ASPH: variants seen among roughly 807,000 people sequenced by gnomAD.
ASPH encodes aspartate beta-hydroxylase.
A neutral mutation model predicts 118.4 loss-of-function variants in ASPH; 100 were observed. The ratio of observed to expected loss-of-function variants is 0.84; its 90% CI spans 0.72 to 1.00. The LOEUF is 1.00. ASPH is among the 50% of genes least tolerant of loss of function. ASPH has a pLI of 0.00. For missense variants in ASPH, 920 were observed against 919.5 expected, an observed-to-expected ratio of 1.00 and a Z score of -0.01; for synonymous variants, 315 against 325.6, an observed-to-expected ratio of 0.97 and a Z score of 0.35.
chr8:61,646,525 T>C (rs565731874), intron 6 of ASPH, among the ~76,000 whole-genome samples: 3 of 152,312 alleles, frequency 2.0e-5, no homozygotes, highest in African/African-American at 7.2e-5. Flanking sequence ...TGACTCACTA[T>C]TTATAAGAAA....
At chr8:61,618,865 A>G in intron 14 of ASPH, 113 bp downstream of exon 14, 3 of 889,346 alleles carry the variant, frequency 3.4e-6, no homozygotes, top group Non-Finnish European at 5.1e-6. Context: ...CAAACCCAGG[A>G]GCAAATTCTT....
At position 61,572,478 on chromosome 8, in the gene ASPH, T is replaced by C. The variant is rs1000284412; in HGVS notation, c.1149+4294A>G. 3.9e-5 allele frequency among the ~76,000 whole-genome samples: 6 copies of C among 152,200 alleles called. No homozygotes were observed. In the South Asian group the frequency reaches 1.0e-3, roughly 26 times the overall value. On this transcript the variant is annotated intron_variant, in intron 16 of 24. Transcript: ENST00000379454. ...AGACCAACAGCAAACTCTTGAACTC[T>C]TGACTTCTGCATCACTCCAGACTTG... is the stretch of plus-strand genomic sequence containing the variant.
rs371809902 is a variant in ASPH at position 61,548,104 on chromosome 8, G to A, written c.1731C>T (p.Thr577=). 3 of 1,613,484 alleles carry A rather than the reference G, an allele frequency of 1.9e-6. No individual in the cohort carries two copies. The highest frequency in any genetic ancestry group is 2.5e-6 in the Non-Finnish European group (3 of 1,179,800). ...ACTCTGTGTAGCCCGTTTCTTTTGG[G>A]GTCCACCAAGGCTGTGCTTTCAGTC... ...VNGLKAQPWW[T]PKETGYTELV... Residue 577 remains threonine, a synonymous_variant, in exon 21 of 25, where the codon ACC becomes ACT. Transcript: ENST00000379454.
intron 16 of ASPH, among the ~76,000 whole-genome samples, chr8:61,572,052 C>T (rs1013863819): frequency 1.3e-5 from 2 of 152,070 alleles, no homozygotes; most frequent in African/African-American, 2.4e-5. Context: ...TAATTAAAAT[C>T]GAATTAATAA....
Position 61,638,322 on chromosome 8 carries a change from C to T in ASPH, c.832G>A (p.Glu278Lys). 2 of 1,598,748 alleles carry T rather than the reference C, an allele frequency of 1.3e-6. No homozygotes were observed. The highest frequency in any genetic ancestry group is 1.2e-5 in the South Asian group (1 of 86,272). Residue 278 changes from glutamate (E) to lysine (K), a missense_variant and splice_region_variant, in exon 11 of 25, where the codon GAA becomes AAA. Coordinates refer to ENST00000379454, the MANE Select transcript of ASPH (RefSeq NM_004318.4). ...PLENEGIEIT[E>K]VTAPPEDNPV... ...ATATGTGCTTACAGAAAAAACTTAC[C>T]TGTGATTTCTATCCCTTCATTTTCT... is the stretch of plus-strand genomic sequence containing the variant.
At chr8:61,636,036 T>C (rs117809989) in intron 12 of ASPH, among the ~76,000 whole-genome samples, 2,842 of 152,326 alleles carry the variant, frequency 0.019, 42 homozygotes, top group Non-Finnish European at 0.026. Context: ...TCTGTACCTA[T>C]CTCTTTATTG....
At chr8:61,645,753 A>G (rs1050718295) in intron 6 of ASPH, among the ~76,000 whole-genome samples, 3 of 152,246 alleles carry the variant, frequency 2.0e-5, no homozygotes, top group African/African-American at 7.2e-5. Flanking sequence ...TTCCTGTTCT[A>G]AACAATAGGC....
chr8:61,603,318 G>C (rs920606609), intron 14 of ASPH, among the ~76,000 whole-genome samples: 1 of 151,168 alleles, frequency 6.6e-6, no homozygotes, highest in African/African-American at 2.4e-5. Context: ...AATTTATAGA[G>C]TTTGTTAATT....
intron 14 of ASPH, among the ~76,000 whole-genome samples, chr8:61,587,023 A>C (rs924808306): frequency 4.1e-4 from 62 of 152,180 alleles, no homozygotes; most frequent in African/African-American, 1.5e-3. Context: ...AGTGTTAAGA[A>C]ATCTGTTATT....
chr8:61,598,887 T>C (rs1843148123), intron 14 of ASPH, among the ~76,000 whole-genome samples: 1 of 152,164 alleles, frequency 6.6e-6, no homozygotes, highest in African/African-American at 2.4e-5. Context: ...AACATGCTCC[T>C]GAATGGCCAC....
At chr8:61,638,722 G>T (rs1339954115) in intron 10 of ASPH, among the ~76,000 whole-genome samples, 1 of 152,172 alleles carries the variant, frequency 6.6e-6, no homozygotes, top group Non-Finnish European at 1.5e-5. Context: ...ACAATTCTCA[G>T]ACCTCTAACC....
At chr8:61,514,188 C>A (rs991123072) in intron 24 of ASPH, among the ~76,000 whole-genome samples, 1 of 152,152 alleles carries the variant, frequency 6.6e-6, no homozygotes, top group African/African-American at 2.4e-5. Context: ...TGGCACCATC[C>A]ACCTGCTCCC....
intron 15 of ASPH, among the ~76,000 whole-genome samples, chr8:61,577,391 C>A (rs1422994712): frequency 6.8e-5 from 4 of 59,080 alleles, no homozygotes; most frequent in East Asian, 6.2e-4. Flanking sequence ...CAAGGATGCC[C>A]AATCTCGCAA....
At chr8:61,541,026 G>A (rs189914167) in intron 21 of ASPH, among the ~76,000 whole-genome samples, 395 of 152,242 alleles carry the variant, frequency 2.6e-3, no homozygotes, top group African/African-American at 8.0e-3. Context: ...TTGGAAGGCC[G>A]AGGTGGGCGG....
At chr8:61,510,931 TA>T in intron 24 of ASPH, among the ~76,000 whole-genome samples, 1 of 151,988 alleles carries the variant, frequency 6.6e-6, no homozygotes, top group African/African-American at 2.4e-5. Context: ...GGGAGAATAG[TA>T]AAAAAAGGAG....
chr8:61,544,154 TG>T (rs1295385807), intron 21 of ASPH, among the ~76,000 whole-genome samples: 1 of 152,206 alleles, frequency 6.6e-6, no homozygotes, highest in African/African-American at 2.4e-5. Flanking sequence ...AAGGCTACCC[TG>T]GAACTGGGGA....
At chr8:61,535,208 G>A (rs1819050732) in intron 21 of ASPH, among the ~76,000 whole-genome samples, 1 of 152,176 alleles carries the variant, frequency 6.6e-6, no homozygotes, top group Admixed American at 6.5e-5. Flanking sequence ...GGAAGCAACA[G>A]TTCAGCCCAT....
chr8:61,544,250 T>G (rs141841488), intron 21 of ASPH, among the ~76,000 whole-genome samples: 4 of 152,228 alleles, frequency 2.6e-5, no homozygotes, highest in Non-Finnish European at 5.9e-5. Context: ...TCAATAAATA[T>G]TCCTCTAATT....
chr8:61,636,329 A>G (rs551131600), intron 12 of ASPH, among the ~76,000 whole-genome samples: 23 of 152,290 alleles, frequency 1.5e-4, no homozygotes, highest in African/African-American at 5.3e-4. Flanking sequence ...GGATTTAAGA[A>G]ATGTTTAGGG....
Sources: allele counts gnomAD v4.1 joint callset (sites outside exome capture counted in the v4.1 genomes callset), GRCh38; gene constraint gnomAD v4.1.1; transcripts MANE v1.5; gene names NCBI Gene and HGNC (gene_info 2026-07-23, HGNC 2026-07-21).